ZFR2: variants seen among roughly 807,000 people sequenced by gnomAD.
The protein encoded by ZFR2 is zinc finger RNA-binding protein 2.
In ZFR2, 104 loss-of-function variants were observed where a neutral mutation model predicts 105.7. The observed-to-expected ratio is 0.98, with a 90% CI of 0.84 to 1.16. The LOEUF (loss-of-function observed/expected upper bound fraction) is 1.16, where lower values mean the gene tolerates loss of function less well. Ranked by LOEUF, ZFR2 falls within the 50% of genes most tolerant of loss-of-function variation. ZFR2 has a pLI of 0.00. For missense variants in ZFR2, 1,425 were observed against 1,355.5 expected (o/e 1.05, Z -0.80); for synonymous variants, 634 against 597.7 (o/e 1.06, Z -0.89).
chr19:3,855,835 C>T (rs955232307), intron 1 of ZFR2, among the ~76,000 whole-genome samples: 1 of 151,866 alleles, frequency 6.6e-6, no homozygotes, highest in Non-Finnish European at 1.5e-5. Context: ...GTGACTAGAG[C>T]GGAAGGAATG....
At chr19:3,840,591 G>T (rs993254102) in intron 1 of ZFR2, among the ~76,000 whole-genome samples, 4 of 152,068 alleles carry the variant, frequency 2.6e-5, no homozygotes, top group African/African-American at 7.2e-5. Flanking sequence ...GTGTAGTGAC[G>T]TGATCATAGC....
At position 3,854,088 on chromosome 19, in the gene ZFR2, A is replaced by G. The variant is rs539435836; in HGVS notation, c.53+14877T>C. On this transcript the variant is annotated intron_variant, in intron 1 of 18. Coordinates refer to ENST00000262961, the MANE Select transcript of ZFR2 (RefSeq NM_015174.2). ...AACAGAGCGAGACCCTGTCTCAAAA[A>G]AACCACTGTGCCCTGACACAGGCAG... is the stretch of plus-strand genomic sequence containing the variant. Among the ~76,000 whole-genome samples, 12 of 149,974 alleles carry G rather than the reference A, an allele frequency of 8.0e-5. No homozygotes were observed. In the South Asian group the frequency reaches 2.5e-3, roughly 32 times the overall value.
At chr19:3,819,541 C>T (rs2037866098) in intron 11 of ZFR2, among the ~76,000 whole-genome samples, 1 of 152,210 alleles carries the variant, frequency 6.6e-6, no homozygotes, top group African/African-American at 2.4e-5. Context: ...CCCTTTCTCA[C>T]AGCAAGGTGC....
intron 13 of ZFR2, among the ~76,000 whole-genome samples, chr19:3,816,274 C>G (rs1382508894): frequency 7.6e-6 from 1 of 132,176 alleles, no homozygotes; most frequent in African/African-American, 2.9e-5. Flanking sequence ...GAGACCCAGT[C>G]TCGCTCTGTC....
rs1376672502 is a variant in ZFR2, at chr19:3,808,857, G to A, written c.2545+15C>T. 17 of 1,536,632 alleles carry A rather than the reference G, an allele frequency of 1.1e-5. No individual in the cohort carries two copies. The highest frequency in any genetic ancestry group is 2.4e-5 in the South Asian group (2 of 83,238). On this transcript the variant is annotated intron_variant, in intron 17 of 18. Transcript: ENST00000262961. ...TTGCCGCCCACCTCCTGGGCCCTCC[G>A]GCCCAGCGACTGACCTGTCAGGAGC... is the stretch of plus-strand genomic sequence containing the variant.
At chr19:3,843,422 G>A (rs1170573470) in intron 1 of ZFR2, among the ~76,000 whole-genome samples, 1 of 152,190 alleles carries the variant, frequency 6.6e-6, no homozygotes, top group African/African-American at 2.4e-5. Context: ...AGTGAGTTGA[G>A]ATCGCGCCAC....
chr19:3,827,808 T>C (rs1029312003), intron 5 of ZFR2, among the ~76,000 whole-genome samples, 155 bp from the exon 6 acceptor site: 24 of 152,166 alleles, frequency 1.6e-4, no homozygotes, highest in Non-Finnish European at 5.9e-5. Flanking sequence ...GAGGTTCCAG[T>C]GTCCCTTTAT....
chr19:3,807,660 T>C (rs1018571617), intron 17 of ZFR2, among the ~76,000 whole-genome samples: 5 of 151,826 alleles, frequency 3.3e-5, no homozygotes, highest in African/African-American at 7.3e-5. Flanking sequence ...TGTGCCCGTG[T>C]GTGCACCCAT....
chr19:3,855,509 G>T, intron 1 of ZFR2: 2 of 1,174,300 alleles, frequency 1.7e-6, no homozygotes, highest in Non-Finnish European at 2.1e-6. Context: ...CATGGGCGCT[G>T]TCACAGCAGC....
chr19:3,816,211 T>C (rs1019945921), intron 13 of ZFR2, among the ~76,000 whole-genome samples: 1 of 150,472 alleles, frequency 6.6e-6, no homozygotes, highest in African/African-American at 2.4e-5. Context: ...AACAAACTGG[T>C]TGGTTTCTAA....
intron 9 of ZFR2, among the ~76,000 whole-genome samples, chr19:3,821,683 G>A (rs1397005296): frequency 2.9e-5 from 4 of 139,418 alleles, no homozygotes; most frequent in Non-Finnish European, 6.0e-5. Flanking sequence ...GTGTGACCTC[G>A]GCTCACTGCA....
At chr19:3,824,517 G>A (rs183886332) in intron 7 of ZFR2, among the ~76,000 whole-genome samples, 1 of 152,230 alleles carries the variant, frequency 6.6e-6, no homozygotes, top group Admixed American at 6.5e-5. Flanking sequence ...CTGATTCTGA[G>A]CCCAATTTGT....
Position 3,813,855 on chromosome 19 carries a change from G to T in ZFR2, c.2207C>A (p.Ser736Ter). The change falls in exon 14 of 19, where the codon TCA (serine) becomes TAA (stop). Residue 736 changes from serine to a stop codon, truncating the protein, a stop_gained. Coordinates refer to ENST00000262961, the MANE Select transcript of ZFR2 (RefSeq NM_015174.2). LOFTEE classifies it high-confidence loss of function. The surrounding 1 kb of genome is among the most constrained non-coding windows in gnomAD (Gnocchi z 4.4). ...PRMQVTISVT[S>*]PLMREDPSTD... ...GGAGGGGTCCTCCCGCATCAGAGGT[G>T]AGGTGACAGATATGGTGACCTGCAT... 2 of 1,613,932 alleles carry T rather than the reference G, an allele frequency of 1.2e-6. No individual in the cohort carries two copies. The highest frequency in any genetic ancestry group is 1.7e-6 in the Non-Finnish European group (2 of 1,179,882).
At chr19:3,836,122 T>G (rs1274689873) in intron 1 of ZFR2, among the ~76,000 whole-genome samples, 1 of 152,164 alleles carries the variant, frequency 6.6e-6, no homozygotes, top group Non-Finnish European at 1.5e-5. Context: ...AAATCATCTC[T>G]GGATTACTTA....
In ZFR2 at chr19:3,827,501, C is replaced by A. The variant is rs1367935140; in HGVS notation, c.1005G>T (p.Ala335=). The A allele has an allele frequency of 6.4e-7, 1 of 1,554,082 alleles. No individual in the cohort carries two copies. The highest frequency in any genetic ancestry group is 8.7e-7 in the Non-Finnish European group (1 of 1,149,624). ...GGTGCTTGGATCCCCGGATGTGGGC[C>A]GCGTAGGCGTCCGCCCCGGTGCAGG... ...AVSCTGADAY[A]AHIRGSKHQK... The change falls in exon 6 of 19, where the codon GCG becomes GCT. Residue 335 remains alanine, a synonymous_variant. Coordinates refer to ENST00000262961, the MANE Select transcript of ZFR2 (RefSeq NM_015174.2).
Position 3,807,331 on chromosome 19 carries a change from A to G in ZFR2, c.2546-62T>C, listed in dbSNP as rs1265072787. On this transcript the variant is annotated intron_variant, in intron 17 of 18. Transcript: ENST00000262961. ...GAATGCCCTCGTGAAAGACGGTGAC[A>G]GGGCCGTCCCTCGACACCGTGGGGC... 3.1e-6 allele frequency: 4 copies of G among 1,306,042 alleles called. No homozygotes were observed. The Admixed American group carries it at 6.0e-5, about 20-fold the overall frequency. 80.9% of individuals were successfully genotyped at this position (1,306,042 alleles called of 1,614,324 possible).
rs769223377 is a variant in ZFR2, at chr19:3,811,324, G to C, written c.2285C>G (p.Pro762Arg). 5.0e-6 allele frequency: 8 copies of C among 1,605,588 alleles called. No individual in the cohort carries two copies. Among genetic ancestry groups the C allele is most frequent in the Non-Finnish European group, 6.8e-6 (8 of 1,176,682 alleles). ...PQADAGDVLS[P>R]KKCLESLAAL... ...GGCCAGGGACTCGAGGCACTTCTTG[G>C]GGCTCAGGACATCACCTGCATCAGC... The change falls in exon 15 of 19, where the codon CCC (proline) becomes CGC (arginine). Residue 762 changes from proline (P) to arginine (R), a missense_variant. Transcript: ENST00000262961.
At chr19:3,815,353 G>C (rs1205629026) in intron 13 of ZFR2, among the ~76,000 whole-genome samples, 1 of 152,192 alleles carries the variant, frequency 6.6e-6, no homozygotes, top group Non-Finnish European at 1.5e-5. Flanking sequence ...GCCTCCCAAA[G>C]TGTTGGGATT....
At chr19:3,817,302 T>TAC in intron 12 of ZFR2, among the ~76,000 whole-genome samples, 1 of 152,112 alleles carries the variant, frequency 6.6e-6, no homozygotes, top group South Asian at 2.1e-4. Flanking sequence ...CTCACGCCTG[T>TAC]AATCCCAGCA....
Sources: gnomAD v4.1 joint callset for allele counts (sites outside exome capture counted in the v4.1 genomes callset) on GRCh38, gnomAD v4.1.1 for gene constraint, Gnocchi (gnomAD v3.1) non-coding constraint, MANE v1.5 for transcripts, NCBI Gene and HGNC (gene_info 2026-07-23, HGNC 2026-07-21) for gene names.